The following TTLL5 variants were observed in gnomAD, a reference collection of about 807,000 sequenced individuals.
TTLL5 encodes the protein tubulin tyrosine ligase like 5.
A neutral mutation model predicts 168.4 loss-of-function variants in TTLL5; 132 were observed. The observed-to-expected ratio is 0.78, with a 90% CI of 0.68 to 0.91. The LOEUF (loss-of-function observed/expected upper bound fraction) is 0.91. Ranked by LOEUF, TTLL5 falls within the 40% of genes least tolerant of loss-of-function variation. TTLL5 has a pLI of 0.00. For synonymous variants in TTLL5, 546 were observed against 558.6 expected, an observed-to-expected ratio of 0.98 and a Z score of 0.32; for missense variants, 1,545 against 1,581.5, an observed-to-expected ratio of 0.98 and a Z score of 0.39.
intron 27 of TTLL5, among the ~76,000 whole-genome samples, chr14:75,811,630 C>T (rs898775793): frequency 3.3e-5 from 5 of 152,114 alleles, no homozygotes; most frequent in Admixed American, 6.6e-5. Flanking sequence ...TCTGCACATG[C>T]GTTAGCGCTT....
At chr14:75,906,882 G>A (rs2033169037) in intron 31 of TTLL5, among the ~76,000 whole-genome samples, 1 of 152,220 alleles carries the variant, frequency 6.6e-6, no homozygotes, top group Non-Finnish European at 1.5e-5. Flanking sequence ...TGGTCTACCA[G>A]TAGGTGGCGC....
intron 7 of TTLL5, 116 bp downstream of exon 7, chr14:75,699,386 T>C: frequency 1.1e-6 from 1 of 942,698 alleles, no homozygotes; most frequent in Non-Finnish European, 1.6e-6. Flanking sequence ...TCTTCTTAAA[T>C]CTGCATTCAG....
chr14:75,858,239 G>A (rs532888600), intron 28 of TTLL5, among the ~76,000 whole-genome samples: 5 of 152,268 alleles, frequency 3.3e-5, no homozygotes, highest in Admixed American at 6.5e-5. Flanking sequence ...GTACAAAAAC[G>A]ATGGTGGGTT....
intron 28 of TTLL5, among the ~76,000 whole-genome samples, chr14:75,852,645 G>A (rs1030584921): frequency 1.3e-5 from 2 of 152,002 alleles, no homozygotes; most frequent in African/African-American, 4.8e-5. Context: ...TTATCTCAAG[G>A]TGTAAACTCA....
At chr14:75,784,074 G>A (rs1418861263) in intron 26 of TTLL5, among the ~76,000 whole-genome samples, 1 of 152,066 alleles carries the variant, frequency 6.6e-6, no homozygotes, top group African/African-American at 2.4e-5. Flanking sequence ...CAGTAATTCA[G>A]TGGTTATATA....
At chr14:75,710,765 T>A (rs1887019408) in intron 9 of TTLL5, 4 of 152,330 alleles carry the variant, frequency 2.6e-5, no homozygotes, top group Admixed American at 2.6e-4. Context: ...GTCTGTAGCA[T>A]CTCCAGATCT....
At chr14:75,853,785 T>G (rs980854245) in intron 28 of TTLL5, among the ~76,000 whole-genome samples, 6 of 152,244 alleles carry the variant, frequency 3.9e-5, no homozygotes, top group Admixed American at 2.0e-4. Context: ...GGCTTACGCC[T>G]GTAATCCCAG....
chr14:75,925,146 C>G (rs1595279164), intron 31 of TTLL5, among the ~76,000 whole-genome samples: 1 of 148,324 alleles, frequency 6.7e-6, no homozygotes, highest in Non-Finnish European at 1.5e-5. Context: ...GGCTGACCCC[C>G]CCACCTCCCT....
intron 25 of TTLL5, among the ~76,000 whole-genome samples, chr14:75,782,892 CTG>C (rs1892140564): frequency 6.6e-6 from 1 of 152,120 alleles, no homozygotes; most frequent in Non-Finnish European, 1.5e-5. Context: ...CATGCCTGCT[CTG>C]TTTCATAGAG....
chr14:75,680,842 G>A (rs2140116084), intron 3 of TTLL5, among the ~76,000 whole-genome samples: 1 of 152,024 alleles, frequency 6.6e-6, no homozygotes, highest in Admixed American at 6.6e-5. Context: ...GGCCAGGCTG[G>A]TCTCGAATTC....
At chr14:75,719,680 T>C in intron 10 of TTLL5, 55 bp from the exon 11 acceptor site, 2 of 1,452,978 alleles carry the variant, frequency 1.4e-6, no homozygotes, top group Non-Finnish European at 1.8e-6. Flanking sequence ...AAGAGTCTTG[T>C]TATTATAGCC....
intron 1 of TTLL5, among the ~76,000 whole-genome samples, chr14:75,661,866 C>T (rs576584253): frequency 1.3e-5 from 2 of 151,394 alleles, no homozygotes; most frequent in Non-Finnish European, 2.9e-5. Flanking sequence ...TTATCGGGGT[C>T]TGTTTTTTTT....
At chr14:75,744,901 T>G (rs1428412945) in intron 15 of TTLL5, among the ~76,000 whole-genome samples, 194 bp from the exon 16 acceptor site, 1 of 152,222 alleles carries the variant, frequency 6.6e-6, no homozygotes, top group Admixed American at 6.5e-5. Context: ...TGTTTTCTCC[T>G]CTTGCCTTTG....
intron 31 of TTLL5, among the ~76,000 whole-genome samples, chr14:75,907,689 G>T (rs2033199656): frequency 6.6e-6 from 1 of 152,202 alleles, no homozygotes; most frequent in South Asian, 2.1e-4. Flanking sequence ...CCATGGCTTG[G>T]TCATATACCA....
At chr14:75,741,979 A>G (rs1375800741) in intron 15 of TTLL5, among the ~76,000 whole-genome samples, 1 of 152,214 alleles carries the variant, frequency 6.6e-6, no homozygotes, top group Non-Finnish European at 1.5e-5. Flanking sequence ...TCTAGAAGCC[A>G]GGAATATTAA....
intron 31 of TTLL5, among the ~76,000 whole-genome samples, chr14:75,905,830 C>A (rs1313758888): frequency 1.3e-5 from 2 of 152,174 alleles, no homozygotes; most frequent in East Asian, 3.8e-4. Context: ...TCATCCCTGC[C>A]CCTTAGCTTC....
At chr14:75,869,556 A>T (rs1387311861) in intron 29 of TTLL5, among the ~76,000 whole-genome samples, 2 of 152,128 alleles carry the variant, frequency 1.3e-5, no homozygotes, top group Non-Finnish European at 2.9e-5. Flanking sequence ...TTTTTGTATT[A>T]TCTCAGTGGA....
rs138075327 is a variant in TTLL5, at chr14:75,681,886, A to G, written c.264+259A>G. Among the ~76,000 whole-genome samples, 33 of 152,244 alleles carry G rather than the reference A, an allele frequency of 2.2e-4. No homozygotes were observed. In the East Asian group the frequency reaches 6.2e-3, roughly 29 times the overall value. On this transcript the variant is annotated intron_variant, in intron 4 of 31. Coordinates refer to ENST00000298832, the MANE Select transcript of TTLL5 (RefSeq NM_015072.5). ...GCTTGGGCTAGGGGCACCGTTGCCCATAAGGAATTGTCTGACACCCAATTA... is the reference window on the plus strand; with the variant it reads ...GCTTGGGCTAGGGGCACCGTTGCCCGTAAGGAATTGTCTGACACCCAATTA...
chr14:75,691,249 G>C (rs1193069513), intron 6 of TTLL5, among the ~76,000 whole-genome samples: 1 of 152,140 alleles, frequency 6.6e-6, no homozygotes, highest in Non-Finnish European at 1.5e-5. Flanking sequence ...TATTTATTTT[G>C]CATCATTGTG....
Sources: allele counts gnomAD v4.1 joint callset (sites outside exome capture counted in the v4.1 genomes callset), GRCh38; gene constraint gnomAD v4.1.1; transcripts MANE v1.5; gene names NCBI Gene and HGNC (gene_info 2026-07-23, HGNC 2026-07-21).